Variants in SLC71A2 observed in about 807,000 individuals in gnomAD.
SLC71A2 encodes the protein solute carrier family 71 member 2.
the SLC71A2 span, chr9:94,374,991 G>A: frequency 8.7e-7 from 1 of 1,151,358 alleles, no homozygotes; most frequent in East Asian, 3.5e-5. Flanking sequence ...TCGCACCCAG[G>A]GCCCGCGAGC....
At chr9:94,399,079 G>A in the SLC71A2 span, among the ~76,000 whole-genome samples, 4 of 152,056 alleles carry the variant, frequency 2.6e-5, no homozygotes, top group Non-Finnish European at 5.9e-5. Context: ...GCCTCCCAGA[G>A]TGGCTAGGAT....
the SLC71A2 span, among the ~76,000 whole-genome samples, chr9:94,410,885 C>T: frequency 6.6e-6 from 1 of 152,216 alleles, no homozygotes; most frequent in African/African-American, 2.4e-5. Flanking sequence ...CCTGCCTCAG[C>T]CTCCTGAGCA....
chr9:94,432,831 AGAG>A, the SLC71A2 span: 5 of 407,990 alleles, frequency 1.2e-5, no homozygotes, highest in East Asian at 3.1e-4. Flanking sequence ...AACTGAGGCC[AGAG>A]GTCTTATAAC....
the SLC71A2 span, among the ~76,000 whole-genome samples, chr9:94,414,867 C>G: frequency 6.6e-6 from 1 of 152,040 alleles, no homozygotes; most frequent in South Asian, 2.1e-4. Flanking sequence ...ACTATGTTAA[C>G]CATGCTGGTC....
chr9:94,375,036 A>G, the SLC71A2 span: 2 of 689,118 alleles, frequency 2.9e-6, no homozygotes, highest in Non-Finnish European at 3.9e-6. Context: ...GCTCTTGGAA[A>G]GTCGGTCCTT....
chr9:94,387,718 T>G, the SLC71A2 span, among the ~76,000 whole-genome samples: 3 of 152,214 alleles, frequency 2.0e-5, no homozygotes, highest in African/African-American at 4.8e-5. Context: ...TTTTTCGTAT[T>G]CAAGAGTAGA....
chr9:94,377,895 AAG>A, the SLC71A2 span, among the ~76,000 whole-genome samples: 2 of 152,122 alleles, frequency 1.3e-5, no homozygotes, highest in South Asian at 4.1e-4. Context: ...TCACAAGGTC[AAG>A]AGATCAAGAC....
At chr9:94,403,570 A>C in the SLC71A2 span, among the ~76,000 whole-genome samples, 1 of 151,322 alleles carries the variant, frequency 6.6e-6, no homozygotes, top group African/African-American at 2.4e-5. Context: ...TTAAACATTC[A>C]TAAGTTGAAC....
chr9:94,414,616 C>T, the SLC71A2 span, among the ~76,000 whole-genome samples: 17 of 152,286 alleles, frequency 1.1e-4, no homozygotes, highest in South Asian at 3.3e-3. Context: ...TGATTTTCTA[C>T]TAAAGCTCCA....
chr9:94,378,303 C>T, the SLC71A2 span, among the ~76,000 whole-genome samples: 2 of 151,648 alleles, frequency 1.3e-5, no homozygotes, highest in Admixed American at 6.6e-5. Flanking sequence ...GGACAGAAGG[C>T]GAAGGGGAAG....
At chr9:94,450,516 G>A in the SLC71A2 span, among the ~76,000 whole-genome samples, 1 of 19,932 alleles carries the variant, frequency 5.0e-5, no homozygotes, top group African/African-American at 4.6e-4. Context: ...TTGAGATGGA[G>A]TCTCACTTTG....
chr9:94,429,911 T>TA, the SLC71A2 span, among the ~76,000 whole-genome samples: 16 of 148,116 alleles, frequency 1.1e-4, no homozygotes, highest in Admixed American at 5.4e-4. Flanking sequence ...TTTATTTTAT[T>TA]TTTTTTTTTT....
the SLC71A2 span, among the ~76,000 whole-genome samples, chr9:94,428,489 T>C: frequency 2.0e-5 from 3 of 149,236 alleles, no homozygotes; most frequent in African/African-American, 7.5e-5. Flanking sequence ...TTAATTTCCG[T>C]TTTTTAAAGA....
the SLC71A2 span, among the ~76,000 whole-genome samples, chr9:94,424,618 A>G: frequency 6.6e-6 from 1 of 151,134 alleles, no homozygotes; most frequent in Non-Finnish European, 1.5e-5. Flanking sequence ...CTGTATATAT[A>G]TATTTTATAA....
At chr9:94,437,579 G>A in the SLC71A2 span, among the ~76,000 whole-genome samples, 2 of 152,248 alleles carry the variant, frequency 1.3e-5, no homozygotes, top group South Asian at 2.1e-4. Context: ...TACTTTGATC[G>A]ACAAAGTTGA....
the SLC71A2 span, chr9:94,441,196 C>G: frequency 3.5e-6 from 2 of 569,750 alleles, no homozygotes; most frequent in East Asian, 6.2e-5. Context: ...CTTTCTTGCA[C>G]TGCTGTAAAG....
chr9:94,425,231 G>C, the SLC71A2 span, among the ~76,000 whole-genome samples: 30,295 of 151,996 alleles, frequency 0.2, 3,254 homozygotes, highest in African/African-American at 0.28. Context: ...TTGAACCCGG[G>C]AGGTGGAGGT....
chr9:94,445,922 C>A, the SLC71A2 span, among the ~76,000 whole-genome samples: 1 of 152,208 alleles, frequency 6.6e-6, no homozygotes, highest in Non-Finnish European at 1.5e-5. Flanking sequence ...CCTGCCTGTT[C>A]TATTATTGTC....
chr9:94,441,786 G>A, the SLC71A2 span, among the ~76,000 whole-genome samples: 1 of 152,170 alleles, frequency 6.6e-6, no homozygotes, highest in East Asian at 1.9e-4. Flanking sequence ...ATCCATAGTT[G>A]CTGAATAACA....
Sources: allele counts gnomAD v4.1 joint callset (sites outside exome capture counted in the v4.1 genomes callset), GRCh38; gene constraint gnomAD v4.1.1; transcripts MANE v1.5; gene names NCBI Gene and HGNC (gene_info 2026-07-23, HGNC 2026-07-21).